CDC25C: variants seen among roughly 807,000 people sequenced by gnomAD.
CDC25C encodes cell division cycle 25C.
A neutral mutation model predicts 52.5 loss-of-function variants in CDC25C; 48 were observed. The ratio of observed to expected loss-of-function variants is 0.91; its 90% CI spans 0.72 to 1.16. The LOEUF is 1.16. CDC25C is among the 50% of genes most tolerant of loss of function. CDC25C has a pLI of 0.00. For synonymous variants in CDC25C, 187 were observed against 206.5 expected, an observed-to-expected ratio of 0.91 and a Z score of 0.81; for missense variants, 510 against 566.1, an observed-to-expected ratio of 0.90 and a Z score of 1.01.
upstream of CDC25C, among the ~76,000 whole-genome samples, chr5:138,336,235 C>T (rs1760696961): frequency 6.6e-6 from 1 of 151,638 alleles, no homozygotes; most frequent in Non-Finnish European, 1.5e-5. Flanking sequence ...CCGGTTCAAG[C>T]GATTCTCCTG....
At chr5:138,317,682 TAAAAAAAAAAA>T (rs70982706) in intron 7 of CDC25C, among the ~76,000 whole-genome samples, 2 of 54,264 alleles carry the variant, frequency 3.7e-5, no homozygotes, top group Non-Finnish European at 6.3e-5. Flanking sequence ...CCTGTCTATC[TAAAAAAAAAAA>T]AAAAAAAAAA....
intron 2 of CDC25C, among the ~76,000 whole-genome samples, chr5:138,330,299 G>A (rs6596431): frequency 0.34 from 51,652 of 151,526 alleles, 9,434 homozygotes; most frequent in East Asian, 0.61. Context: ...TTTCTCCCTG[G>A]GGTCCCTAGT....
chr5:138,334,091 G>A (rs1031524033), upstream of CDC25C, among the ~76,000 whole-genome samples: 31 of 151,470 alleles, frequency 2.0e-4, no homozygotes, highest in African/African-American at 4.6e-4. Flanking sequence ...CCGCCACCAC[G>A]CCTGGCTGAT....
At chr5:138,295,101 CTG>C (rs1394713085) in intron 7 of CDC25C, among the ~76,000 whole-genome samples, 2 of 152,306 alleles carry the variant, frequency 1.3e-5, no homozygotes, top group Admixed American at 6.5e-5. Flanking sequence ...GTTAAAAAGA[CTG>C]TACTTTCTCC....
chr5:138,305,479 G>A (rs186121445), intron 7 of CDC25C, among the ~76,000 whole-genome samples: 45 of 152,250 alleles, frequency 3.0e-4, no homozygotes, highest in African/African-American at 1.0e-3. Context: ...ATGGCTCACT[G>A]TAGCCTTGAA....
intron 7 of CDC25C, among the ~76,000 whole-genome samples, chr5:138,315,766 T>G (rs933036825): frequency 2.6e-5 from 4 of 152,230 alleles, no homozygotes; most frequent in African/African-American, 9.6e-5. Flanking sequence ...AGAATGAGGC[T>G]GGATACGGTG....
chr5:138,329,726 C>CTTT (rs71574413), intron 2 of CDC25C, 79 bp from the exon 3 acceptor site: 2,237 of 292,418 alleles, frequency 7.7e-3, no homozygotes, highest in African/African-American at 9.1e-3. Flanking sequence ...TCATCCTCTT[C>CTTT]TTTTTTTTTT....
exon 1 of CDC25C, chr5:138,338,083 G>T (rs1354944151): frequency 7.8e-7 from 1 of 1,289,664 alleles, no homozygotes; most frequent in Non-Finnish European, 1.0e-6. Flanking sequence ...AAATCAAAGC[G>T]CCAGGCTCGT....
intron 6 of CDC25C, among the ~76,000 whole-genome samples, chr5:138,320,089 GA>G (rs1338566381): frequency 6.6e-6 from 1 of 152,126 alleles, no homozygotes; most frequent in Non-Finnish European, 1.5e-5. Context: ...AGCAGATCAC[GA>G]GGTCAGGAGT....
At chr5:138,286,389 T>A in intron 12 of CDC25C, 108 bp downstream of exon 12, 1 of 1,248,648 alleles carries the variant, frequency 8.0e-7, no homozygotes, top group Admixed American at 2.3e-5. Context: ...TCAACCTCCC[T>A]AACATTCTTC....
chr5:138,296,676 G>A (rs1757214898), intron 7 of CDC25C, among the ~76,000 whole-genome samples: 1 of 151,004 alleles, frequency 6.6e-6, no homozygotes, highest in African/African-American at 2.4e-5. Flanking sequence ...CGCGATCTCG[G>A]CTCCCTGCAA....
chr5:138,297,535 C>CT (rs952332498), intron 7 of CDC25C, among the ~76,000 whole-genome samples: 1 of 152,154 alleles, frequency 6.6e-6, no homozygotes, highest in Non-Finnish European at 1.5e-5. Flanking sequence ...TCTCTTTTAT[C>CT]TCCTCCCTCT....
chr5:138,326,995 G>A (rs751612234), intron 4 of CDC25C, among the ~76,000 whole-genome samples: 4 of 145,564 alleles, frequency 2.7e-5, no homozygotes, highest in Non-Finnish European at 3.0e-5. Context: ...GGGGGCTCAC[G>A]CTTGTAATTC....
At chr5:138,310,533 G>A (rs931389191) in intron 7 of CDC25C, among the ~76,000 whole-genome samples, 3 of 152,092 alleles carry the variant, frequency 2.0e-5, no homozygotes, top group Non-Finnish European at 4.4e-5. Flanking sequence ...TAGTTTAGTC[G>A]TATACTACAA....
intron 7 of CDC25C, among the ~76,000 whole-genome samples, chr5:138,311,356 G>C (rs1758440640): frequency 6.6e-6 from 1 of 152,226 alleles, no homozygotes; most frequent in Non-Finnish European, 1.5e-5. Flanking sequence ...CACCTTGGGA[G>C]GCTGAAGCAA....
intron 8 of CDC25C, among the ~76,000 whole-genome samples, chr5:138,291,060 AAAAT>A (rs1377903748): frequency 6.6e-6 from 1 of 151,992 alleles, no homozygotes; most frequent in Non-Finnish European, 1.5e-5. Context: ...ATCTCAGGGG[AAAAT>A]AAATAAATAA....
chr5:138,317,132 A>G (rs943964166), intron 7 of CDC25C, among the ~76,000 whole-genome samples: 4 of 152,264 alleles, frequency 2.6e-5, no homozygotes, highest in African/African-American at 9.6e-5. Flanking sequence ...GTATGCACCT[A>G]TAGTCCTAGC....
At chr5:138,337,851 AG>A in intron 1 of CDC25C, 1 of 678,642 alleles carries the variant, frequency 1.5e-6, no homozygotes, top group South Asian at 1.5e-5. Flanking sequence ...GCAGCAGAGC[AG>A]GTGAGGGGCA....
chr5:138,289,360 T>G, intron 10 of CDC25C, 141 bp downstream of exon 10: 1 of 619,472 alleles, frequency 1.6e-6, no homozygotes, highest in South Asian at 2.1e-5. Flanking sequence ...AAATGAGTCC[T>G]TCAATATAAC....
Sources: allele counts gnomAD v4.1 joint callset (sites outside exome capture counted in the v4.1 genomes callset), GRCh38; gene constraint gnomAD v4.1.1; transcripts MANE v1.5; gene names NCBI Gene and HGNC (gene_info 2026-07-23, HGNC 2026-07-21).